Variants in SSH2 observed in about 807,000 individuals in gnomAD.
SSH2 encodes protein phosphatase Slingshot homolog 2.
Under a neutral mutation model 135.2 loss-of-function variants are expected in SSH2, and 37 were observed. The observed-to-expected ratio is 0.27, with a 90% CI of 0.21 to 0.36. The LOEUF is 0.36. Ranked by LOEUF, SSH2 falls within the 10% of genes least tolerant of loss-of-function variation. The pLI is 1.00. For synonymous variants in SSH2, 628 were observed against 646.2 expected, an observed-to-expected ratio of 0.97 and a Z score of 0.43; for missense variants, 1,408 against 1,765.3, an observed-to-expected ratio of 0.80 and a Z score of 3.63.
At chr17:29,832,032 G>A (rs558774299) in intron 2 of SSH2, among the ~76,000 whole-genome samples, 44 of 152,210 alleles carry the variant, frequency 2.9e-4, no homozygotes, top group Non-Finnish European at 5.6e-4. Context: ...TTCTTGTGCC[G>A]CAACTGTACC....
In SSH2 at chr17:29,632,131, C is replaced by T; in HGVS notation, c.3063G>A (p.Gln1021=). 1 of 1,614,072 alleles carries T rather than the reference C, an allele frequency of 6.2e-7. No individual in the cohort carries two copies. The highest frequency in any genetic ancestry group is 8.5e-7 in the Non-Finnish European group (1 of 1,180,020). Reference sequence around the variant, plus strand: ...GAGGGACTGCTTGTGTTTCAGACTCCTGGTATGGAATCACAGTCCTCAGAT... The same window carrying T: ...GAGGGACTGCTTGTGTTTCAGACTCTTGGTATGGAATCACAGTCCTCAGAT... ...LKDLRTVIPY[Q]ESETQAVPLP... is the part of the protein sequence containing the mutation. Residue 1021 remains glutamine, a synonymous_variant, in exon 16 of 16, where the codon CAG becomes CAA. Coordinates refer to ENST00000540801, the MANE Select transcript of SSH2 (RefSeq NM_001282129.2).
intron 8 of SSH2, chr17:29,675,952 T>C (rs1567866477): frequency 6.6e-6 from 1 of 152,158 alleles, no homozygotes; most frequent in African/African-American, 2.4e-5. Context: ...GGGGGCTTGG[T>C]ATGATGATTA....
chr17:29,791,494 C>G (rs886249010), intron 3 of SSH2, among the ~76,000 whole-genome samples: 2 of 152,184 alleles, frequency 1.3e-5, no homozygotes, highest in South Asian at 4.1e-4. Flanking sequence ...TACATTTGAA[C>G]CCACAAACTG....
At chr17:29,826,684 C>G (rs1053952575) in intron 2 of SSH2, among the ~76,000 whole-genome samples, 1 of 152,110 alleles carries the variant, frequency 6.6e-6, no homozygotes, top group East Asian at 1.9e-4. Context: ...TCCTTTTAAT[C>G]AGAGTCCAGA....
chr17:29,881,477 T>TCCTTTCTTTTCTC (rs2066136350), intron 1 of SSH2, among the ~76,000 whole-genome samples: 1 of 152,050 alleles, frequency 6.6e-6, no homozygotes, highest in South Asian at 2.1e-4. Context: ...TTCCTTTTCT[T>TCCTTTCTTTTCTC]CCTTTCTTTT....
At chr17:29,813,540 G>C (rs149701481) in intron 2 of SSH2, among the ~76,000 whole-genome samples, 1 of 152,046 alleles carries the variant, frequency 6.6e-6, no homozygotes, top group Admixed American at 6.5e-5. Flanking sequence ...TTAAGCAGCC[G>C]GGCACGGTGG....
chr17:29,794,938 T>TGAAAGATAAAGGAAAA (rs2042132263), intron 2 of SSH2, among the ~76,000 whole-genome samples: 1 of 152,228 alleles, frequency 6.6e-6, no homozygotes, highest in African/African-American at 2.4e-5. Context: ...TGAAGAGGCT[T>TGAAAGATAAAGGAAAA]TTTCTTTAAA....
intron 8 of SSH2, chr17:29,673,894 A>G (rs555951335): frequency 1.1e-4 from 38 of 331,824 alleles, no homozygotes; most frequent in African/African-American, 7.5e-4. Context: ...ATATAGATGT[A>G]CCATAATTTA....
At position 29,860,351 on chromosome 17, in the gene SSH2, G is replaced by GATC. The variant is rs555358492; in HGVS notation, c.64-11425_64-11423dup. ...TGGTTTTGATTTGCATTTCTCTAAT[G>GATC]ATCAGTGATGTTGAGCTTTTTTTCA... On this transcript the variant is annotated intron_variant, in intron 1 of 15. Transcript: ENST00000540801. Among the ~76,000 whole-genome samples, 283 of 151,620 alleles carry GATC rather than the reference G, an allele frequency of 1.9e-3. 1 individual carries two copies. The highest frequency in any genetic ancestry group is 6.6e-3 in the African/African-American group (275 of 41,354).
At position 29,627,268 on chromosome 17, in the gene SSH2, T is replaced by C. The variant is rs2035527129; in HGVS notation, c.*3573A>G. ...TTAAATGCCCTTAAAAGTGACTTTT[T>C]GCATAATGCTTTCTTAAAAAAAGAA... is the stretch of plus-strand genomic sequence containing the variant. On this transcript the variant is annotated 3_prime_UTR_variant, in exon 16 of 16. Transcript: ENST00000540801. 6.5e-6 allele frequency: 1 copy of C among 152,676 alleles called. No individual in the cohort carries two copies. The highest frequency in any genetic ancestry group is 2.4e-5 in the African/African-American group (1 of 41,464). 9.5% of individuals were successfully genotyped at this position (152,676 alleles called of 1,614,324 possible).
At chr17:29,741,565 G>A (rs2040553533) in intron 3 of SSH2, among the ~76,000 whole-genome samples, 1 of 150,446 alleles carries the variant, frequency 6.6e-6, no homozygotes, top group South Asian at 2.1e-4. Context: ...ATGCTGAAAT[G>A]AAAATAATGA....
chr17:29,831,922 T>C (rs553587310), intron 2 of SSH2, among the ~76,000 whole-genome samples: 1 of 152,296 alleles, frequency 6.6e-6, no homozygotes, highest in South Asian at 2.1e-4. Context: ...TTCATTCTTC[T>C]TTTGTTATTT....
intron 3 of SSH2, among the ~76,000 whole-genome samples, chr17:29,728,639 C>T (rs2151182366): frequency 6.6e-6 from 1 of 152,264 alleles, no homozygotes; most frequent in South Asian, 2.1e-4. Flanking sequence ...CATTGTCTGA[C>T]TTCAAATTAT....
intron 3 of SSH2, among the ~76,000 whole-genome samples, chr17:29,722,595 G>A (rs1190026217): frequency 2.0e-5 from 3 of 152,166 alleles, no homozygotes; most frequent in Admixed American, 1.3e-4. Context: ...AGCTATGCAC[G>A]GGAAGATAAC....
chr17:29,717,194 G>GGT (rs1414012974), intron 3 of SSH2, among the ~76,000 whole-genome samples: 1 of 152,194 alleles, frequency 6.6e-6, no homozygotes, highest in East Asian at 1.9e-4. Context: ...GTAGGGCAGT[G>GGT]GTGTGTTCAT....
At chr17:29,878,957 C>CT (rs2066086204) in intron 1 of SSH2, among the ~76,000 whole-genome samples, 1 of 152,160 alleles carries the variant, frequency 6.6e-6, no homozygotes, top group African/African-American at 2.4e-5. Context: ...CACAGGAAAA[C>CT]TTAACAAATA....
chr17:29,926,293 C>T (rs960923679), intron 1 of SSH2, among the ~76,000 whole-genome samples: 8 of 151,494 alleles, frequency 5.3e-5, no homozygotes, highest in African/African-American at 1.5e-4. Flanking sequence ...AATCCCAGCA[C>T]TTTGGGAGGC....
intron 3 of SSH2, among the ~76,000 whole-genome samples, chr17:29,779,479 C>T (rs2041788153): frequency 6.6e-6 from 1 of 152,124 alleles, no homozygotes; most frequent in Admixed American, 6.6e-5. Context: ...GTTCTCTATT[C>T]TGTACAGGAA....
chr17:29,637,940 C>T (rs1182270779), intron 14 of SSH2, among the ~76,000 whole-genome samples: 1 of 151,854 alleles, frequency 6.6e-6, no homozygotes, highest in Non-Finnish European at 1.5e-5. Context: ...ATGGTGAAAC[C>T]CCGTCTCTAC....
Sources: allele counts gnomAD v4.1 joint callset (sites outside exome capture counted in the v4.1 genomes callset), GRCh38; gene constraint gnomAD v4.1.1; transcripts MANE v1.5; gene names NCBI Gene and HGNC (gene_info 2026-07-23, HGNC 2026-07-21).